PRP4K: variants seen among roughly 807,000 people sequenced by gnomAD.
PRP4K encodes the protein serine/threonine-protein kinase PRP4 homolog.
At chr6:4,049,036 T>C in the PRP4K span, 1 of 1,612,948 alleles carries the variant, frequency 6.2e-7, no homozygotes, top group Non-Finnish European at 8.5e-7. Context: ...TTCGGGCCGC[T>C]GGCATTGGAA....
the PRP4K span, chr6:4,052,603 A>T: frequency 1.3e-6 from 1 of 780,014 alleles, no homozygotes; most frequent in Non-Finnish European, 2.0e-6. Context: ...TGGTTCTTAC[A>T]TATTTTTATT....
At chr6:4,049,120 T>C in the PRP4K span, 5 of 1,586,212 alleles carry the variant, frequency 3.2e-6, no homozygotes, top group African/African-American at 6.8e-5. Context: ...AGTTCACATT[T>C]TATATTAACT....
the PRP4K span, among the ~76,000 whole-genome samples, chr6:4,051,315 G>GT: frequency 1.1e-4 from 17 of 151,428 alleles, no homozygotes; most frequent in African/African-American, 4.1e-4. Flanking sequence ...GTTTGTTTTT[G>GT]TTTGTTTGTT....
chr6:4,037,528 G>A, the PRP4K span: 109 of 1,614,016 alleles, frequency 6.8e-5, no homozygotes, highest in African/African-American at 3.3e-4. Context: ...CCACTCAGAC[G>A]TAGCAGGTCT....
At chr6:4,021,386 G>A in the PRP4K span, 2 of 1,560,758 alleles carry the variant, frequency 1.3e-6, no homozygotes, top group Non-Finnish European at 1.7e-6. Context: ...CACCGTCCGG[G>A]AGCCGCCGCC....
At chr6:4,045,195 G>GA in the PRP4K span, among the ~76,000 whole-genome samples, 1 of 152,140 alleles carries the variant, frequency 6.6e-6, no homozygotes, top group Non-Finnish European at 1.5e-5. Context: ...CTGTGTTCCA[G>GA]AAAAAACTTT....
At chr6:4,044,005 A>G in the PRP4K span, 1 of 1,614,062 alleles carries the variant, frequency 6.2e-7, no homozygotes, top group Non-Finnish European at 8.5e-7. Context: ...TAATCTAATG[A>G]CAGTTGAACA....
the PRP4K span, chr6:4,043,772 C>A: frequency 6.3e-7 from 1 of 1,579,102 alleles, no homozygotes; most frequent in Non-Finnish European, 8.7e-7. Context: ...TGGATAGCAT[C>A]CAATTTTATG....
the PRP4K span, among the ~76,000 whole-genome samples, chr6:4,030,096 C>T: frequency 6.6e-6 from 1 of 152,172 alleles, no homozygotes; most frequent in Non-Finnish European, 1.5e-5. Context: ...GCATGTGCCG[C>T]TACATCTGGC....
At chr6:4,037,311 C>A in the PRP4K span, 1 of 1,268,856 alleles carries the variant, frequency 7.9e-7, no homozygotes, top group Non-Finnish European at 1.1e-6. Context: ...GCTAATGTGC[C>A]TTTTCTTACA....
the PRP4K span, chr6:4,064,148 C>T: frequency 2.6e-5 from 4 of 152,452 alleles, no homozygotes; most frequent in Admixed American, 1.3e-4. Context: ...TCTTCATTCC[C>T]TGATAGCTAT....
chr6:4,032,389 A>C, the PRP4K span: 1 of 1,614,112 alleles, frequency 6.2e-7, no homozygotes, highest in East Asian at 2.2e-5. Flanking sequence ...CGAGGTAAAA[A>C]ATCCAGATCC....
the PRP4K span, chr6:4,021,404 C>T: frequency 6.4e-7 from 1 of 1,573,986 alleles, no homozygotes; most frequent in Non-Finnish European, 8.6e-7. Flanking sequence ...GCCACCGCCG[C>T]CGAGGAGTCA....
chr6:4,043,021 A>G, the PRP4K span, among the ~76,000 whole-genome samples: 2 of 152,246 alleles, frequency 1.3e-5, no homozygotes, highest in Non-Finnish European at 1.5e-5. Context: ...GACTAGAGCC[A>G]GATGATGAAG....
At chr6:4,049,655 A>C in the PRP4K span, 17 of 1,396,202 alleles carry the variant, frequency 1.2e-5, no homozygotes, top group South Asian at 2.3e-4. Flanking sequence ...CAATTTTTAA[A>C]TGACTGCACT....
At chr6:4,046,821 C>A in the PRP4K span, among the ~76,000 whole-genome samples, 8 of 152,120 alleles carry the variant, frequency 5.3e-5, no homozygotes, top group Admixed American at 5.2e-4. Context: ...CCATGCCCGA[C>A]TAATTTTTGT....
chr6:4,038,919 CT>C, the PRP4K span, among the ~76,000 whole-genome samples: 15 of 144,290 alleles, frequency 1.0e-4, no homozygotes, highest in Non-Finnish European at 1.7e-4. Flanking sequence ...AATTTTTGTG[CT>C]TTTTTTTTTC....
the PRP4K span, among the ~76,000 whole-genome samples, chr6:4,053,080 C>G: frequency 6.6e-6 from 1 of 152,114 alleles, no homozygotes; most frequent in Non-Finnish European, 1.5e-5. Flanking sequence ...AGGAAATGTA[C>G]AATTGTCCCT....
At chr6:4,040,709 A>C in the PRP4K span, 1 of 1,519,828 alleles carries the variant, frequency 6.6e-7, no homozygotes, top group Non-Finnish European at 9.0e-7. Context: ...GTGCCCACAC[A>C]TGCATGCCTT....
Sources: gnomAD v4.1 joint callset for allele counts (sites outside exome capture counted in the v4.1 genomes callset) on GRCh38, gnomAD v4.1.1 for gene constraint, MANE v1.5 for transcripts, NCBI Gene and HGNC (gene_info 2026-07-23, HGNC 2026-07-21) for gene names.